The following IQCH variants were observed in gnomAD, a reference collection of about 807,000 sequenced individuals.
IQCH encodes the protein IQ domain-containing protein H.
IQCH carries 98 observed loss-of-function variants against 117.0 expected under a neutral mutation model. That is an observed-to-expected ratio of 0.84 (90% confidence interval 0.71 to 0.99). IQCH has a LOEUF of 0.99. IQCH is among the 50% of genes least tolerant of loss of function. IQCH has a pLI of 0.00. For synonymous variants in IQCH, 412 were observed against 448.2 expected, an observed-to-expected ratio of 0.92 and a Z score of 1.02; for missense variants, 1,102 against 1,243.8, an observed-to-expected ratio of 0.89 and a Z score of 1.72.
intron 15 of IQCH, among the ~76,000 whole-genome samples, chr15:67,418,513 C>CACACA (rs1555489465): frequency 4.4e-5 from 5 of 114,092 alleles, no homozygotes; most frequent in Non-Finnish European, 6.8e-5. Context: ...CAAGTGGCTA[C>CACACA]CACACACACA....
At chr15:67,382,135 A>G (rs1970953997) in intron 10 of IQCH, among the ~76,000 whole-genome samples, 1 of 152,246 alleles carries the variant, frequency 6.6e-6, no homozygotes, top group Non-Finnish European at 1.5e-5. Context: ...GAAATGGACA[A>G]CAAAGTAAAC....
chr15:67,328,703 C>T (rs1268292228), intron 4 of IQCH, among the ~76,000 whole-genome samples: 1 of 152,154 alleles, frequency 6.6e-6, no homozygotes, highest in Non-Finnish European at 1.5e-5. Flanking sequence ...AAAATCAATA[C>T]TTAAAAGTTC....
At chr15:67,262,947 A>G (rs1965519519) in intron 2 of IQCH, among the ~76,000 whole-genome samples, 175 bp from the exon 3 acceptor site, 1 of 152,048 alleles carries the variant, frequency 6.6e-6, no homozygotes, top group East Asian at 1.9e-4. Context: ...TTATGCTGGG[A>G]TGGTTGAAGT....
chr15:67,363,950 C>G (rs1970241578), intron 8 of IQCH, among the ~76,000 whole-genome samples: 1 of 152,164 alleles, frequency 6.6e-6, no homozygotes, highest in Non-Finnish European at 1.5e-5. Flanking sequence ...TTTATCCAGT[C>G]TACTATTGAT....
At chr15:67,324,489 TATCTC>T (rs1260734693) in intron 4 of IQCH, among the ~76,000 whole-genome samples, 2 of 151,624 alleles carry the variant, frequency 1.3e-5, no homozygotes, top group Admixed American at 1.3e-4. Flanking sequence ...ACATGCCTGT[TATCTC>T]AGCTACTCAG....
In IQCH at chr15:67,405,397, T is replaced by A. The variant is rs1036808352; in HGVS notation, c.2097+5092T>A. On this transcript the variant is annotated intron_variant, in intron 14 of 20. Coordinates refer to ENST00000335894, the MANE Select transcript of IQCH (RefSeq NM_001031715.3). The surrounding 1 kb of genome is among the most constrained non-coding windows in gnomAD (Gnocchi z 4.8). ...ATTTCCTTGTATTTCTTTGTCATCA[T>A]CATCATCATCATCATCATCATCATC... is the stretch of plus-strand genomic sequence containing the variant. 4.4e-5 allele frequency: 3 copies of A among 68,636 alleles called. No homozygotes were observed. The highest frequency in any genetic ancestry group is 1.4e-4 in the African/African-American group (3 of 21,994). The allele number at this position is 68,636 out of a possible 1,614,324, so 4.3% of individuals were successfully genotyped here. A position where few individuals can be genotyped will look rare whatever the true frequency, so the allele number is the denominator to read the frequency against.
chr15:67,490,556 A>T lies in IQCH; in HGVS notation c.2861+492A>T, dbSNP rs991288318. ...GTGTCAATGGGGGTTTATAAATATA[A>T]TTGATTAATTACCTAAAATTAATGG... is the stretch of plus-strand genomic sequence containing the variant. On this transcript the variant is annotated intron_variant, in intron 19 of 20. Coordinates refer to ENST00000335894, the MANE Select transcript of IQCH (RefSeq NM_001031715.3). This position sits in a 1 kb window ranked among gnomAD's most constrained non-coding sequence, Gnocchi z 4.9. Among the ~76,000 whole-genome samples, 1 of 152,212 alleles carries T rather than the reference A, an allele frequency of 6.6e-6. No homozygotes were observed. The highest frequency in any genetic ancestry group is 1.5e-5 in the Non-Finnish European group (1 of 68,036).
At chr15:67,452,126 G>A (rs917181308) in intron 16 of IQCH, among the ~76,000 whole-genome samples, 6 of 152,246 alleles carry the variant, frequency 3.9e-5, no homozygotes, top group Non-Finnish European at 7.3e-5. Context: ...GTGCCTGCAC[G>A]TGAGATGGGT....
rs1342614109 is a variant in IQCH, at chr15:67,501,454, C to T, written c.*708C>T. 6.6e-6 allele frequency: 1 copy of T among 152,106 alleles called. No homozygotes were observed. Among genetic ancestry groups the T allele is most frequent in the Admixed American group, 6.5e-5 (1 of 15,268 alleles). The allele number at this position is 152,106 out of a possible 1,614,324, so 9.4% of individuals were successfully genotyped here. A position where few individuals can be genotyped will look rare whatever the true frequency, so the allele number is the denominator to read the frequency against. On this transcript the variant is annotated 3_prime_UTR_variant, in exon 21 of 21. Coordinates refer to ENST00000335894, the MANE Select transcript of IQCH (RefSeq NM_001031715.3). This position sits in a 1 kb window ranked among gnomAD's most constrained non-coding sequence, Gnocchi z 5.2. ...GAATAAACATTTGTATTCTCTAGTTCTCCATTTAATACAGCAGTAGGATTT... is the reference window on the plus strand; with the variant it reads ...GAATAAACATTTGTATTCTCTAGTTTTCCATTTAATACAGCAGTAGGATTT...
chr15:67,298,962 C>T (rs1483512948), intron 4 of IQCH, among the ~76,000 whole-genome samples: 2 of 152,096 alleles, frequency 1.3e-5, no homozygotes, highest in South Asian at 2.1e-4. Flanking sequence ...GGTAGCTGCA[C>T]TCCCATGTTT....
chr15:67,355,937 A>G lies in IQCH; in HGVS notation c.638-1408A>G, dbSNP rs979513375. ...CTTTGTCCTACCAAATTGTATTACA[A>G]TTTTACTAAAATCCTTTAAAAGTTA... is the stretch of plus-strand genomic sequence containing the variant. On this transcript the variant is annotated intron_variant, in intron 6 of 20. Coordinates refer to ENST00000335894, the MANE Select transcript of IQCH (RefSeq NM_001031715.3). Among the ~76,000 whole-genome samples the G allele has an allele frequency of 1.2e-4, 19 of 152,342 alleles. 1 individual carries two copies. The highest frequency in any genetic ancestry group is 4.3e-4 in the African/African-American group (18 of 41,574).
At position 67,364,737 on chromosome 15, in the gene IQCH, A is replaced by G. The variant is rs907497822; in HGVS notation, c.753+4852A>G. Among the ~76,000 whole-genome samples, 3 of 152,034 alleles carry G rather than the reference A, an allele frequency of 2.0e-5. No individual in the cohort carries two copies. Among genetic ancestry groups the G allele is most frequent in the Admixed American group, 6.6e-5 (1 of 15,258 alleles). ...CCTTTGGTACTATTTAAACTTTGGC[A>G]TATTCTTTTATTGGTATTATACTGT... On this transcript the variant is annotated intron_variant, in intron 8 of 20. Transcript: ENST00000335894. The surrounding 1 kb of genome is among the most constrained non-coding windows in gnomAD (Gnocchi z 4.1).
At chr15:67,334,175 T>C (rs1434403682) in intron 4 of IQCH, among the ~76,000 whole-genome samples, 2 of 152,170 alleles carry the variant, frequency 1.3e-5, no homozygotes, top group East Asian at 3.8e-4. Flanking sequence ...ATTTATAATA[T>C]GATTTATATT....
At chr15:67,372,750 CT>C (rs1283399824) in intron 9 of IQCH, 88 bp downstream of exon 9, 3 of 1,145,200 alleles carry the variant, frequency 2.6e-6, no homozygotes, top group Non-Finnish European at 3.7e-6. Context: ...TCTATCTTCC[CT>C]TTCTCTTTCC....
At chr15:67,294,830 G>A (rs1966842911) in intron 4 of IQCH, among the ~76,000 whole-genome samples, 1 of 152,172 alleles carries the variant, frequency 6.6e-6, no homozygotes, top group African/African-American at 2.4e-5. Context: ...CAGCACCATG[G>A]TCTCTTTCTT....
Position 67,421,517 on chromosome 15 carries a change from G to T in IQCH, c.2445G>T (p.Val815=). ...QIGKACRMRD[V]VGYFSIDLVT... ...GAAAAGCCTGCAGAATGAGAGATGTGGTTGGTTACTTTTCGATAGATCTGG... is the reference window on the plus strand; with the variant it reads ...GAAAAGCCTGCAGAATGAGAGATGTTGTTGGTTACTTTTCGATAGATCTGG... The change falls in exon 16 of 21, where the codon GTG becomes GTT. Residue 815 remains valine, a synonymous_variant. Transcript: ENST00000335894. 4 of 1,614,150 alleles carry T rather than the reference G, an allele frequency of 2.5e-6. No homozygotes were observed. In the South Asian group the frequency reaches 4.4e-5, roughly 18 times the overall value.
Position 67,430,728 on chromosome 15 carries a change from CA to C in IQCH, c.2505+9153del, listed in dbSNP as rs1415185176. Among the ~76,000 whole-genome samples the C allele has an allele frequency of 6.6e-6, 1 of 152,032 alleles. No individual in the cohort carries two copies. Among genetic ancestry groups the C allele is most frequent in the Non-Finnish European group, 1.5e-5 (1 of 67,998 alleles). ...CACTTTGGGGAAACTCTAAAAAAAA[CA>C]AGTGTTTATTGAGCATCTATTATGT... On this transcript the variant is annotated intron_variant, in intron 16 of 20. Coordinates refer to ENST00000335894, the MANE Select transcript of IQCH (RefSeq NM_001031715.3). The surrounding 1 kb of genome is among the most constrained non-coding windows in gnomAD (Gnocchi z 5.1).
intron 1 of IQCH, among the ~76,000 whole-genome samples, chr15:67,260,248 C>T (rs956327615): frequency 3.3e-5 from 5 of 152,156 alleles, no homozygotes; most frequent in African/African-American, 1.2e-4. Flanking sequence ...AGTTTGGTTT[C>T]TAATATGAAT....
At chr15:67,486,746 G>A (rs1294790943) in intron 18 of IQCH, among the ~76,000 whole-genome samples, 2 of 151,990 alleles carry the variant, frequency 1.3e-5, no homozygotes, top group Non-Finnish European at 2.9e-5. Flanking sequence ...AAAAGAAATA[G>A]GTGAGGTTAA....
Sources: gnomAD v4.1 joint callset for allele counts (sites outside exome capture counted in the v4.1 genomes callset) on GRCh38, gnomAD v4.1.1 for gene constraint, Gnocchi (gnomAD v3.1) non-coding constraint, MANE v1.5 for transcripts, NCBI Gene and HGNC (gene_info 2026-07-23, HGNC 2026-07-21) for gene names.